Variants in CCSER1 observed in about 807,000 individuals in gnomAD.
CCSER1 encodes the protein coiled-coil serine rich protein 1.
In CCSER1, 41 loss-of-function variants were observed where a neutral mutation model predicts 82.0. The ratio of observed to expected loss-of-function variants is 0.50; its 90% CI spans 0.39 to 0.65. The LOEUF is 0.65. CCSER1 is among the 30% of genes least tolerant of loss of function. The pLI is 0.00. For synonymous variants in CCSER1, 414 were observed against 383.9 expected (o/e 1.08, Z -0.92); for missense variants, 1,119 against 1,064.2 (o/e 1.05, Z -0.72).
At chr4:90,940,701 G>T (rs1432582539) in intron 9 of CCSER1, among the ~76,000 whole-genome samples, 1 of 152,092 alleles carries the variant, frequency 6.6e-6, no homozygotes, top group Non-Finnish European at 1.5e-5. Context: ...CTGCTGTTAT[G>T]CCAGCATGTT....
intron 9 of CCSER1, among the ~76,000 whole-genome samples, chr4:91,072,402 A>C (rs1385017754): frequency 1.3e-5 from 2 of 151,962 alleles, no homozygotes; most frequent in Admixed American, 6.6e-5. Context: ...TTTTCCCCAC[A>C]GTTATTTTCA....
chr4:90,481,865 T>C (rs1766039968), intron 5 of CCSER1, among the ~76,000 whole-genome samples: 1 of 152,216 alleles, frequency 6.6e-6, no homozygotes, highest in South Asian at 2.1e-4. Flanking sequence ...GGCTTTGGTA[T>C]CAGGATGATG....
At chr4:91,524,305 C>T (rs977322786) in intron 10 of CCSER1, among the ~76,000 whole-genome samples, 2 of 152,084 alleles carry the variant, frequency 1.3e-5, no homozygotes, top group South Asian at 2.1e-4. Context: ...AGTCACTATG[C>T]TCATTTTGTT....
chr4:90,296,038 A>G (rs1422731843), intron 1 of CCSER1, among the ~76,000 whole-genome samples: 2 of 152,064 alleles, frequency 1.3e-5, no homozygotes, highest in Non-Finnish European at 2.9e-5. Context: ...TAATAAACAT[A>G]TATTTTAAGA....
At chr4:91,111,878 G>A (rs961262718) in intron 10 of CCSER1, among the ~76,000 whole-genome samples, 1 of 148,966 alleles carries the variant, frequency 6.7e-6, no homozygotes, top group Non-Finnish European at 1.5e-5. Context: ...AAGAAAACTA[G>A]ATGGCCAAAT....
chr4:91,419,155 C>T (rs1178301830), intron 10 of CCSER1, among the ~76,000 whole-genome samples: 1 of 151,854 alleles, frequency 6.6e-6, no homozygotes, highest in Non-Finnish European at 1.5e-5. Flanking sequence ...GAAGCTTTTC[C>T]TCTAATATCA....
intron 10 of CCSER1, among the ~76,000 whole-genome samples, chr4:91,402,569 G>C (rs1210826231): frequency 1.3e-5 from 2 of 152,112 alleles, no homozygotes; most frequent in Non-Finnish European, 2.9e-5. Context: ...GTTAATTTTT[G>C]TATAAGGTGT....
At chr4:90,190,306 T>C (rs1370779775) in intron 1 of CCSER1, among the ~76,000 whole-genome samples, 1 of 152,118 alleles carries the variant, frequency 6.6e-6, no homozygotes, top group African/African-American at 2.4e-5. Context: ...TCATGAGTCC[T>C]GGGACAGGCA....
In CCSER1 at chr4:91,394,384, A is replaced by G. The variant is rs536726245; in HGVS notation, c.2218-204188A>G. On this transcript the variant is annotated intron_variant, in intron 10 of 10. Coordinates refer to ENST00000509176, the MANE Select transcript of CCSER1 (RefSeq NM_001145065.2). The stretch of plus-strand genomic sequence containing the variant: ...GTATGGCCAATAACAATAATTAAAT[A>G]ATTTCAAATAATTTGTTAAAAATTA... Among the ~76,000 whole-genome samples the G allele has an allele frequency of 1.1e-4, 17 of 152,228 alleles. 1 individual carries two copies. The South Asian group carries it at 2.9e-3, about 26-fold the overall frequency.
At chr4:90,722,701 G>A (rs1366689018) in intron 6 of CCSER1, among the ~76,000 whole-genome samples, 1 of 151,690 alleles carries the variant, frequency 6.6e-6, no homozygotes, top group Non-Finnish European at 1.5e-5. Flanking sequence ...AAATAGGTGT[G>A]GTATGTGTTA....
intron 9 of CCSER1, among the ~76,000 whole-genome samples, chr4:91,006,718 C>T (rs1738549192): frequency 1.3e-5 from 2 of 151,992 alleles, no homozygotes; most frequent in Admixed American, 1.3e-4. Context: ...GTCTTGATCT[C>T]CTGACCTCGT....
intron 10 of CCSER1, among the ~76,000 whole-genome samples, chr4:91,393,867 TGAGA>T (rs1015620319): frequency 6.6e-5 from 10 of 152,248 alleles, no homozygotes; most frequent in Admixed American, 3.9e-4. Flanking sequence ...CAGCTGGTGC[TGAGA>T]GAGAGTCAAC....
chr4:90,564,567 C>T (rs149367881), intron 5 of CCSER1, among the ~76,000 whole-genome samples: 62 of 152,060 alleles, frequency 4.1e-4, no homozygotes, highest in African/African-American at 1.5e-3. Context: ...ATTGCCTGTG[C>T]TTTTTGAGGT....
intron 8 of CCSER1, among the ~76,000 whole-genome samples, chr4:90,846,719 T>C (rs1238781955): frequency 7.9e-6 from 1 of 127,238 alleles, no homozygotes; most frequent in Non-Finnish European, 1.7e-5. Flanking sequence ...CGTCTTCATC[T>C]CTCCTGCCAT....
intron 7 of CCSER1, among the ~76,000 whole-genome samples, chr4:90,753,200 A>G (rs1287090604): frequency 1.3e-5 from 2 of 152,090 alleles, no homozygotes; most frequent in African/African-American, 4.8e-5. Flanking sequence ...TTAGGAGAAA[A>G]CTAATGGTGT....
intron 8 of CCSER1, among the ~76,000 whole-genome samples, chr4:90,850,653 G>T (rs1000174806): frequency 6.6e-6 from 1 of 152,174 alleles, no homozygotes; most frequent in Non-Finnish European, 1.5e-5. Context: ...TGGAATGGAC[G>T]CATTTACCCA....
chr4:90,814,097 C>T (rs1580607359), intron 7 of CCSER1, among the ~76,000 whole-genome samples: 1 of 152,236 alleles, frequency 6.6e-6, no homozygotes, highest in Admixed American at 6.5e-5. Flanking sequence ...GCAGGCCCAA[C>T]ACCACATGTA....
At chr4:90,707,797 A>G (rs1739686985) in intron 6 of CCSER1, among the ~76,000 whole-genome samples, 1 of 152,084 alleles carries the variant, frequency 6.6e-6, no homozygotes, top group African/African-American at 2.4e-5. Context: ...ATTTGTGAAC[A>G]TGCTAGAAGC....
chr4:90,351,693 T>G (rs1361166328), intron 3 of CCSER1, among the ~76,000 whole-genome samples: 1 of 152,186 alleles, frequency 6.6e-6, no homozygotes, highest in Non-Finnish European at 1.5e-5. Context: ...ATAGATTATT[T>G]ATGGACTGGG....
Sources: gnomAD v4.1 joint callset for allele counts (sites outside exome capture counted in the v4.1 genomes callset) on GRCh38, gnomAD v4.1.1 for gene constraint, MANE v1.5 for transcripts, NCBI Gene and HGNC (gene_info 2026-07-23, HGNC 2026-07-21) for gene names.